MAGI2: variants seen among roughly 807,000 people sequenced by gnomAD.
MAGI2 encodes the protein membrane-associated guanylate kinase, WW and PDZ domain-containing protein 2.
In MAGI2, 35 loss-of-function variants were observed where a neutral mutation model predicts 133.3. That is an observed-to-expected ratio of 0.26 (90% confidence interval 0.20 to 0.35). The LOEUF (loss-of-function observed/expected upper bound fraction) is 0.35. Ranked by LOEUF, MAGI2 falls within the 10% of genes least tolerant of loss-of-function variation. The pLI is 1.00. For synonymous variants in MAGI2, 729 were observed against 710.6 expected (o/e 1.03, Z -0.41); for missense variants, 1,636 against 1,863.4 (o/e 0.88, Z 2.25).
chr7:78,777,597 C>T (rs1336416569), intron 2 of MAGI2, among the ~76,000 whole-genome samples: 3 of 152,190 alleles, frequency 2.0e-5, no homozygotes, highest in Non-Finnish European at 4.4e-5. Flanking sequence ...CAAAGCTTGT[C>T]ATGTACCAGA....
At chr7:78,824,036 G>A (rs1244214860) in intron 2 of MAGI2, among the ~76,000 whole-genome samples, 1 of 151,944 alleles carries the variant, frequency 6.6e-6, no homozygotes, top group Non-Finnish European at 1.5e-5. Context: ...TAGCTAAAAG[G>A]AATAAATTTA....
intron 2 of MAGI2, among the ~76,000 whole-genome samples, chr7:78,795,967 A>G (rs1283023881): frequency 1.3e-5 from 2 of 152,146 alleles, no homozygotes; most frequent in African/African-American, 4.8e-5. Context: ...ATCTTTCACC[A>G]CGTACAAAAA....
intron 6 of MAGI2, among the ~76,000 whole-genome samples, chr7:78,431,127 A>G (rs932071936): frequency 6.7e-6 from 1 of 148,856 alleles, no homozygotes; most frequent in African/African-American, 2.6e-5. Flanking sequence ...GAAAACACCT[A>G]CTTGGTTTTT....
intron 1 of MAGI2, among the ~76,000 whole-genome samples, chr7:79,428,245 A>G (rs902992886): frequency 6.6e-6 from 1 of 152,194 alleles, no homozygotes; most frequent in South Asian, 2.1e-4. Context: ...GTCTGAACAT[A>G]TAAGACTGTG....
chr7:78,028,368 T>C (rs1407793668), intron 21 of MAGI2, among the ~76,000 whole-genome samples: 3 of 152,226 alleles, frequency 2.0e-5, no homozygotes, highest in African/African-American at 7.2e-5. Flanking sequence ...TTTAAAAGCA[T>C]AATCAAAGGT....
intron 1 of MAGI2, among the ~76,000 whole-genome samples, chr7:79,055,146 C>T (rs988277587): frequency 1.3e-5 from 2 of 152,154 alleles, no homozygotes; most frequent in African/African-American, 4.8e-5. Context: ...CACGTTGTTC[C>T]GATGTATCTT....
chr7:78,498,722 T>C (rs1363743092), intron 5 of MAGI2, among the ~76,000 whole-genome samples: 1 of 152,092 alleles, frequency 6.6e-6, no homozygotes, highest in Non-Finnish European at 1.5e-5. Context: ...GTAACCTTTA[T>C]GAAAGACAGA....
intron 2 of MAGI2, among the ~76,000 whole-genome samples, chr7:78,786,978 T>TCC (rs1826877708): frequency 6.6e-6 from 1 of 151,340 alleles, no homozygotes; most frequent in South Asian, 2.1e-4. Flanking sequence ...TTAGACAGAG[T>TCC]CTCTCTCTAT....
At chr7:78,320,331 T>A (rs911435087) in intron 9 of MAGI2, among the ~76,000 whole-genome samples, 3 of 152,098 alleles carry the variant, frequency 2.0e-5, no homozygotes, top group Non-Finnish European at 4.4e-5. Flanking sequence ...AAAGGAAATT[T>A]CAGGCCAATA....
intron 21 of MAGI2, among the ~76,000 whole-genome samples, chr7:78,023,836 GA>G (rs1237360265): frequency 1.3e-5 from 2 of 152,046 alleles, no homozygotes; most frequent in African/African-American, 4.8e-5. Flanking sequence ...AAATATTTGG[GA>G]AAAATACAAA....
At chr7:78,632,917 C>T (rs1370102810) in intron 2 of MAGI2, among the ~76,000 whole-genome samples, 2 of 152,190 alleles carry the variant, frequency 1.3e-5, no homozygotes, top group East Asian at 1.9e-4. Flanking sequence ...TAATATAAAT[C>T]ATTCTACTGT....
intron 1 of MAGI2, among the ~76,000 whole-genome samples, chr7:79,332,405 A>G (rs540119337): frequency 6.6e-6 from 1 of 152,312 alleles, no homozygotes; most frequent in East Asian, 1.9e-4. Context: ...GTAGGCAGAT[A>G]CTGTGTTCTG....
At chr7:78,760,116 A>C (rs1240355716) in intron 2 of MAGI2, among the ~76,000 whole-genome samples, 1 of 42,840 alleles carries the variant, frequency 2.3e-5, no homozygotes, top group East Asian at 4.8e-4. Context: ...ACTCCGTCTC[A>C]AAAAAAAAAT....
At chr7:79,236,128 T>C (rs1465131767) in intron 1 of MAGI2, among the ~76,000 whole-genome samples, 1 of 152,240 alleles carries the variant, frequency 6.6e-6, no homozygotes. Flanking sequence ...GGAAAAAGCA[T>C]ACTTTTCTAA....
intron 2 of MAGI2, among the ~76,000 whole-genome samples, chr7:78,696,710 T>C (rs1451751142): frequency 6.6e-6 from 1 of 152,186 alleles, no homozygotes; most frequent in African/African-American, 2.4e-5. Flanking sequence ...AGTTTTCTGA[T>C]AAATAGACTG....
rs1367567604 is a variant in MAGI2 at position 79,132,341 on chromosome 7, T to C, written c.302-125135A>G. Reference sequence around the variant, plus strand: ...GTCCTTAAAGTCCATTATATCACTCTGTGTGACTTTGCTTACTCACAGCTT... The same window carrying C: ...GTCCTTAAAGTCCATTATATCACTCCGTGTGACTTTGCTTACTCACAGCTT... On this transcript the variant is annotated intron_variant, in intron 1 of 21. Transcript: ENST00000354212. 2.0e-5 allele frequency among the ~76,000 whole-genome samples: 3 copies of C among 152,122 alleles called. No homozygotes were observed. In the South Asian group the frequency reaches 6.2e-4, roughly 32 times the overall value.
chr7:78,668,447 T>C (rs1384099321), intron 2 of MAGI2, among the ~76,000 whole-genome samples: 1 of 151,136 alleles, frequency 6.6e-6, no homozygotes, highest in Non-Finnish European at 1.5e-5. Context: ...CTTTTGGTGT[T>C]TTAGACATGA....
At chr7:79,221,149 A>G (rs964764356) in intron 1 of MAGI2, among the ~76,000 whole-genome samples, 9 of 152,052 alleles carry the variant, frequency 5.9e-5, no homozygotes, top group Non-Finnish European at 1.0e-4. Flanking sequence ...GACACAAAAT[A>G]TGTCTAAATT....
chr7:78,656,148 G>C (rs1290707433), intron 2 of MAGI2, among the ~76,000 whole-genome samples: 3 of 152,096 alleles, frequency 2.0e-5, no homozygotes, highest in African/African-American at 7.2e-5. Flanking sequence ...AAGGACTTAT[G>C]TACCTGACAG....
Sources: gnomAD v4.1 joint callset for allele counts (sites outside exome capture counted in the v4.1 genomes callset) on GRCh38, gnomAD v4.1.1 for gene constraint, MANE v1.5 for transcripts, NCBI Gene and HGNC (gene_info 2026-07-23, HGNC 2026-07-21) for gene names.